Variants in CLASP1 observed in about 807,000 individuals in gnomAD.
CLASP1 encodes the protein cytoplasmic linker associated protein 1.
In CLASP1, 38 loss-of-function variants were observed where a neutral mutation model predicts 192.3. The observed-to-expected ratio is 0.20, with a 90% CI of 0.15 to 0.26. CLASP1 has a LOEUF of 0.26. CLASP1 is among the 10% of genes least tolerant of loss of function. The pLI, the probability that CLASP1 is intolerant of heterozygous loss-of-function variation, is 1.00. For synonymous variants in CLASP1, 691 were observed against 712.8 expected (o/e 0.97, Z 0.49); for missense variants, 1,433 against 1,932.5 (o/e 0.74, Z 4.85).
chr2:121,621,930 C>G (rs1248247222), intron 1 of CLASP1, among the ~76,000 whole-genome samples: 1 of 152,130 alleles, frequency 6.6e-6, no homozygotes, highest in Non-Finnish European at 1.5e-5. Flanking sequence ...TTACTGCAAA[C>G]TTTGCCTCCC....
chr2:121,572,666 A>C (rs1236759996), intron 2 of CLASP1, among the ~76,000 whole-genome samples: 1 of 152,102 alleles, frequency 6.6e-6, no homozygotes, highest in East Asian at 1.9e-4. Flanking sequence ...GAGGCTGAGG[A>C]GGGCAGATCA....
chr2:121,594,161 G>A (rs1217656652), intron 2 of CLASP1, among the ~76,000 whole-genome samples: 3 of 150,208 alleles, frequency 2.0e-5, no homozygotes, highest in South Asian at 2.1e-4. Flanking sequence ...TTAGCCGGGC[G>A]TGGTGGCGGG....
chr2:121,348,578 G>A (rs768171822), exon 38 of CLASP1: 13 of 1,613,658 alleles, frequency 8.1e-6, no homozygotes, highest in South Asian at 1.1e-5. Context: ...TCCTCTCGAC[G>A]ACTTTGGTCT....
chr2:121,415,722 T>C (rs1192638603), intron 23 of CLASP1, among the ~76,000 whole-genome samples: 1 of 152,176 alleles, frequency 6.6e-6, no homozygotes, highest in Non-Finnish European at 1.5e-5. Context: ...TTTAACAAAA[T>C]AATACTAAGC....
chr2:121,603,147 A>G (rs2063989235), intron 2 of CLASP1: 1 of 152,020 alleles, frequency 6.6e-6, no homozygotes, highest in African/African-American at 2.4e-5. Context: ...CTGATAACTC[A>G]TTACCATTGG....
chr2:121,495,905 C>T (rs1261623791), intron 8 of CLASP1, among the ~76,000 whole-genome samples: 2 of 152,194 alleles, frequency 1.3e-5, no homozygotes, highest in East Asian at 1.9e-4. Flanking sequence ...TTATTCTCCA[C>T]AAAATCCCTG....
intron 25 of CLASP1, among the ~76,000 whole-genome samples, chr2:121,407,130 C>T (rs1051701032): frequency 6.6e-6 from 1 of 151,514 alleles, no homozygotes; most frequent in Admixed American, 6.6e-5. Context: ...GGAGAAGAAT[C>T]GCTTGAACCC....
intron 9 of CLASP1, among the ~76,000 whole-genome samples, chr2:121,469,128 G>C (rs1432762233): frequency 1.3e-5 from 2 of 152,086 alleles, no homozygotes; most frequent in African/African-American, 4.8e-5. Context: ...TGTCTTTGAG[G>C]TGTTGAGCTC....
intron 2 of CLASP1, among the ~76,000 whole-genome samples, chr2:121,561,432 T>C (rs1032193457): frequency 6.6e-6 from 1 of 152,204 alleles, no homozygotes; most frequent in African/African-American, 2.4e-5. Flanking sequence ...TGCAGTGCAC[T>C]GATCTCATAC....
Position 121,469,985 on chromosome 2 carries a change from CG to C in CLASP1, c.713-26del, listed in dbSNP as rs763672029. Reference sequence around the variant, plus strand: ...TCTGAACAGTAAGCACAGAAACCAACGTTTTTTTAAAAACAAAAACTATATA... The same window carrying C: ...TCTGAACAGTAAGCACAGAAACCAACTTTTTTTAAAAACAAAAACTATATA... On this transcript the variant is annotated intron_variant, in intron 8 of 39. Coordinates refer to ENST00000263710, the Ensembl canonical transcript of CLASP1. 5 of 1,581,368 alleles carry C rather than the reference CG, an allele frequency of 3.2e-6. No homozygotes were observed. In the South Asian group the frequency reaches 3.5e-5, roughly 11 times the overall value.
At chr2:121,500,021 C>T (rs990201944) in intron 8 of CLASP1, among the ~76,000 whole-genome samples, 9 of 152,052 alleles carry the variant, frequency 5.9e-5, no homozygotes, top group East Asian at 5.8e-4. Flanking sequence ...TAAAAGCATA[C>T]GTATCTGAAA....
chr2:121,437,600 A>C (rs1198891042), intron 19 of CLASP1, among the ~76,000 whole-genome samples: 1 of 152,200 alleles, frequency 6.6e-6, no homozygotes, highest in Admixed American at 6.5e-5. Context: ...CTGCATCAAG[A>C]TTTTGGTTGC....
At chr2:121,432,817 A>C (rs2081658852) in intron 19 of CLASP1, among the ~76,000 whole-genome samples, 1 of 152,160 alleles carries the variant, frequency 6.6e-6, no homozygotes, top group Non-Finnish European at 1.5e-5. Context: ...TTGTATACAG[A>C]TTTGGGGTTA....
intron 25 of CLASP1, among the ~76,000 whole-genome samples, chr2:121,405,609 C>A (rs1251750796): frequency 6.6e-6 from 1 of 152,176 alleles, no homozygotes; most frequent in African/African-American, 2.4e-5. Flanking sequence ...TGTTCAAGAA[C>A]CCTTCAATAT....
intron 1 of CLASP1, among the ~76,000 whole-genome samples, chr2:121,610,717 G>T (rs1654398896): frequency 6.8e-6 from 1 of 146,440 alleles, no homozygotes; most frequent in Non-Finnish European, 1.5e-5. Context: ...GGAGGAGGAG[G>T]AGTTACAGGA....
intron 19 of CLASP1, among the ~76,000 whole-genome samples, chr2:121,434,770 A>G (rs2149680933): frequency 1.3e-5 from 2 of 150,578 alleles, no homozygotes; most frequent in South Asian, 4.2e-4. Flanking sequence ...CAGGTGGATT[A>G]CTTGAGGCTA....
chr2:121,345,130 G>C (rs2063288676), intron 39 of CLASP1, among the ~76,000 whole-genome samples: 1 of 152,246 alleles, frequency 6.6e-6, no homozygotes, highest in African/African-American at 2.4e-5. Flanking sequence ...CTGGGTGACA[G>C]AGCGAGGCTC....
chr2:121,531,027 G>T (rs760048112), intron 2 of CLASP1: 2 of 699,968 alleles, frequency 2.9e-6, no homozygotes, highest in African/African-American at 1.7e-5. Flanking sequence ...TGTTTTCATA[G>T]ACTTATCAGT....
chr2:121,387,804 G>A (rs1011054369), exon 31 of CLASP1: 2 of 1,613,908 alleles, frequency 1.2e-6, no homozygotes, highest in Non-Finnish European at 1.7e-6. Flanking sequence ...TTGTGCAGGA[G>A]TTTGGTGGCA....
Sources: gnomAD v4.1 joint callset for allele counts (sites outside exome capture counted in the v4.1 genomes callset) on GRCh38, gnomAD v4.1.1 for gene constraint, MANE v1.5 for transcripts, NCBI Gene and HGNC (gene_info 2026-07-23, HGNC 2026-07-21) for gene names.